DENND1A: variants seen among roughly 807,000 people sequenced by gnomAD.
DENND1A encodes DENN domain containing 1A.
Under a neutral mutation model 113.7 loss-of-function variants are expected in DENND1A, and 51 were observed. That is an observed-to-expected ratio of 0.45 (90% CI 0.36 to 0.57). The LOEUF (loss-of-function observed/expected upper bound fraction) is 0.57. Ranked by LOEUF, DENND1A falls within the 20% of genes least tolerant of loss-of-function variation. DENND1A has a pLI of 0.00. For missense variants in DENND1A, 1,258 were observed against 1,395.9 expected (o/e 0.90, Z 1.57); for synonymous variants, 565 against 570.8 (o/e 0.99, Z 0.14).
chr9:123,550,885 T>A (rs1335914193), intron 13 of DENND1A, among the ~76,000 whole-genome samples: 1 of 152,146 alleles, frequency 6.6e-6, no homozygotes, highest in Non-Finnish European at 1.5e-5. Context: ...TTAAACTCAT[T>A]TGTCTTTTAT....
intron 2 of DENND1A, 111 bp from the exon 3 acceptor site, chr9:123,792,741 G>A: frequency 8.2e-7 from 1 of 1,217,112 alleles, no homozygotes; most frequent in South Asian, 1.4e-5. Flanking sequence ...GGGGATCCAA[G>A]GGGGGCAGCT....
In DENND1A at chr9:123,609,569, CTG is replaced by C. The variant is rs897684052; in HGVS notation, c.720-90_720-89del. 26 of 1,473,794 alleles carry C rather than the reference CTG, an allele frequency of 1.8e-5. No homozygotes were observed. In the East Asian group the frequency reaches 5.4e-4, roughly 31 times the overall value. 91.3% of individuals were successfully genotyped at this position (1,473,794 alleles called of 1,614,324 possible). Reference sequence around the variant, plus strand: ...AGATGGTTCACTATTTGGAGAAAAACTGTTTTAATAAACGTATGCATAGTTAC... The same window carrying C: ...AGATGGTTCACTATTTGGAGAAAAACTTTTAATAAACGTATGCATAGTTAC... On this transcript the variant is annotated intron_variant, in intron 10 of 23. Transcript: ENST00000394215.
chr9:123,767,254 T>C (rs573322082), intron 4 of DENND1A, among the ~76,000 whole-genome samples: 25 of 152,228 alleles, frequency 1.6e-4, no homozygotes, highest in African/African-American at 6.0e-4. Flanking sequence ...AAAGAAAATA[T>C]ATAGTCCCCA....
At chr9:123,638,896 A>G (rs1202189870) in intron 9 of DENND1A, among the ~76,000 whole-genome samples, 1 of 152,104 alleles carries the variant, frequency 6.6e-6, no homozygotes, top group Non-Finnish European at 1.5e-5. Flanking sequence ...TAATGGATCT[A>G]TACTATTGCT....
intron 1 of DENND1A, among the ~76,000 whole-genome samples, chr9:123,882,584 A>AT (rs1463385758): frequency 1.3e-5 from 2 of 152,160 alleles, no homozygotes; most frequent in African/African-American, 4.8e-5. Flanking sequence ...GATCACTATC[A>AT]TATCACCTCG....
At chr9:123,663,399 C>T (rs1409369424) in intron 8 of DENND1A, among the ~76,000 whole-genome samples, 1 of 152,036 alleles carries the variant, frequency 6.6e-6, no homozygotes, top group South Asian at 2.1e-4. Context: ...TATTTTTAAA[C>T]CTTTAATTAA....
At chr9:123,755,247 C>G (rs918202132) in intron 5 of DENND1A, among the ~76,000 whole-genome samples, 3 of 151,796 alleles carry the variant, frequency 2.0e-5, no homozygotes, top group African/African-American at 7.3e-5. Context: ...CTCAGCCACC[C>G]AAGTAGTTGG....
chr9:123,509,012 A>C (rs2053215160), intron 13 of DENND1A, among the ~76,000 whole-genome samples: 1 of 152,216 alleles, frequency 6.6e-6, no homozygotes, highest in African/African-American at 2.4e-5. Context: ...TCTAGAAGGC[A>C]CCGTGAAGGA....
chr9:123,722,376 C>T (rs769471702), intron 5 of DENND1A, among the ~76,000 whole-genome samples: 2 of 152,214 alleles, frequency 1.3e-5, no homozygotes, highest in Non-Finnish European at 2.9e-5. Flanking sequence ...AAGAAAATCC[C>T]ATTTTGCTGA....
chr9:123,567,335 C>T (rs2058109157), intron 12 of DENND1A, among the ~76,000 whole-genome samples: 1 of 152,164 alleles, frequency 6.6e-6, no homozygotes, highest in African/African-American at 2.4e-5. Context: ...CTTGCAAACA[C>T]AACACACAAA....
At chr9:123,851,317 A>T (rs779586236) in intron 2 of DENND1A, among the ~76,000 whole-genome samples, 1 of 152,192 alleles carries the variant, frequency 6.6e-6, no homozygotes, top group Non-Finnish European at 1.5e-5. Flanking sequence ...TTCACTCAAG[A>T]TAATTATGTT....
At chr9:123,867,313 C>T (rs1466566208) in intron 2 of DENND1A, among the ~76,000 whole-genome samples, 2 of 152,020 alleles carry the variant, frequency 1.3e-5, no homozygotes, top group Admixed American at 6.6e-5. Flanking sequence ...ATAGGGTGAA[C>T]GTTCCACTCT....
intron 13 of DENND1A, among the ~76,000 whole-genome samples, chr9:123,510,194 A>T (rs1180950606): frequency 2.0e-5 from 3 of 152,234 alleles, no homozygotes; most frequent in African/African-American, 7.2e-5. Context: ...ACCACCGTGG[A>T]GTTCCTCAAA....
intron 2 of DENND1A, among the ~76,000 whole-genome samples, chr9:123,873,116 T>C (rs866577215): frequency 2.0e-5 from 3 of 152,190 alleles, no homozygotes; most frequent in Non-Finnish European, 4.4e-5. Context: ...CATTAAATAT[T>C]AGAAAAAGGC....
intron 13 of DENND1A, among the ~76,000 whole-genome samples, chr9:123,504,334 C>T (rs1333564632): frequency 6.6e-6 from 1 of 152,194 alleles, no homozygotes; most frequent in Non-Finnish European, 1.5e-5. Context: ...ACTCTCTTTT[C>T]ACCCCCACTG....
intron 9 of DENND1A, among the ~76,000 whole-genome samples, chr9:123,645,218 C>T (rs2062251772): frequency 6.6e-6 from 1 of 152,134 alleles, no homozygotes; most frequent in Non-Finnish European, 1.5e-5. Flanking sequence ...ATTGACACAG[C>T]CATTTTTATA....
At chr9:123,428,223 C>T (rs779785739) in intron 19 of DENND1A, among the ~76,000 whole-genome samples, 18 of 152,242 alleles carry the variant, frequency 1.2e-4, no homozygotes, top group South Asian at 2.1e-4. Context: ...TGGCTTCATC[C>T]CCAGGAAGCA....
intron 21 of DENND1A, among the ~76,000 whole-genome samples, chr9:123,388,264 A>C (rs948416225): frequency 3.5e-4 from 53 of 152,198 alleles, no homozygotes; most frequent in African/African-American, 1.3e-3. Context: ...GACAAATTTA[A>C]AGATCAGGAT....
At chr9:123,696,019 C>A (rs1326362686) in intron 5 of DENND1A, among the ~76,000 whole-genome samples, 1 of 150,050 alleles carries the variant, frequency 6.7e-6, no homozygotes, top group Admixed American at 6.6e-5. Flanking sequence ...AAAACTGGCA[C>A]CTTTGTCTGG....
Sources: allele counts gnomAD v4.1 joint callset (sites outside exome capture counted in the v4.1 genomes callset), GRCh38; gene constraint gnomAD v4.1.1; transcripts MANE v1.5; gene names NCBI Gene and HGNC (gene_info 2026-07-23, HGNC 2026-07-21).